The following PLEC variants were observed in gnomAD, a reference collection of about 807,000 sequenced individuals.
The protein encoded by PLEC is hemidesmosomal protein 1.
Under a neutral mutation model 392.8 loss-of-function variants are expected in PLEC, and 216 were observed. The ratio of observed to expected loss-of-function variants is 0.55; its 90% confidence interval spans 0.49 to 0.62. The LOEUF is 0.62. Among genes scored for constraint, PLEC ranks in the 20% least tolerant of loss-of-function variants. The pLI is 0.00. For missense variants in PLEC, 6,863 were observed against 6,563.4 expected (o/e 1.05, Z -1.58); for synonymous variants, 3,621 against 2,980.6 (o/e 1.21, Z -7.00).
chr8:143,926,477 C>A (rs558934426), intron 30 of PLEC, among the ~76,000 whole-genome samples: 1 of 152,348 alleles, frequency 6.6e-6, no homozygotes, highest in African/African-American at 2.4e-5. Flanking sequence ...AGCGGAAAGG[C>A]CAACGCAGAA....
chr8:143,935,810 C>CT lies in PLEC; in HGVS notation c.602+37_602+38insA, dbSNP rs782414478. On this transcript the variant is annotated intron_variant, in intron 6 of 31. Transcript: ENST00000345136. Reference sequence around the variant, plus strand: ...GCCTAGTGGAGGCGCTGTGGGGGTGCCCCCAGCCCACAGCCCCCTGCCCCC... The same window carrying CT: ...GCCTAGTGGAGGCGCTGTGGGGGTGCTCCCCAGCCCACAGCCCCCTGCCCCC... The CT allele has an allele frequency of 6.9e-6, 11 of 1,604,482 alleles. No individual in the cohort carries two copies. In the South Asian group the frequency reaches 1.2e-4, roughly 18 times the overall value.
At position 143,924,096 on chromosome 8, in the gene PLEC, C is replaced by T; in HGVS notation, c.5833G>A (p.Glu1945Lys). Residue 1945 changes from glutamate (E) to lysine (K), a missense_variant, in exon 31 of 32, where the codon GAG becomes AAG. Glu to Lys is a moderately conservative substitution (Grantham distance 56, BLOSUM62 1). Coordinates refer to ENST00000345136, the MANE Select transcript of PLEC (RefSeq NM_201384.3). Reference sequence around the variant, plus strand: ...CTGCGGATGCGTCCCAGCTCCAGCTCCAGCTCCGCCTTGCCAGCGGCCGCC... The same window carrying T: ...CTGCGGATGCGTCCCAGCTCCAGCTTCAGCTCCGCCTTGCCAGCGGCCGCC... ...EKAAAGKAEL[E>K]LELGRIRSNA... 1 of 1,598,628 alleles carries T rather than the reference C, an allele frequency of 6.3e-7. No individual in the cohort carries two copies. The highest frequency in any genetic ancestry group is 2.2e-5 in the East Asian group (1 of 44,796).
chr8:143,935,377 G>T, intron 6 of PLEC, 64 bp from the exon 7 acceptor site: 2 of 1,130,902 alleles, frequency 1.8e-6, no homozygotes, highest in East Asian at 2.5e-5. Flanking sequence ...CACACAGGCG[G>T]GTGCACAGGC....
chr8:143,942,257 C>T, upstream of PLEC: 2 of 1,036,258 alleles, frequency 1.9e-6, no homozygotes, highest in Non-Finnish European at 2.8e-6. Context: ...TTCCGGAGCT[C>T]GGGGGCAAGG....
rs782682146 is a variant in PLEC at position 143,920,331 on chromosome 8, C to T, written c.9490G>A (p.Asp3164Asn). ...LDVACARGCL[D>N]EETSRALSAP... ...GACAGGGCCCTGCTGGTCTCCTCAT[C>T]CAGGCAGCCTCGGGCGCAGGCGACA... The change falls in exon 32 of 32, where the codon GAT becomes AAT. Residue 3164 changes from aspartate (D) to asparagine (N), a missense_variant. By Grantham distance (23) the Asp-to-Asn change is conservative. Coordinates refer to ENST00000345136, the MANE Select transcript of PLEC (RefSeq NM_201384.3). 2.5e-6 allele frequency: 4 copies of T among 1,593,456 alleles called. No homozygotes were observed. In the Admixed American group the frequency reaches 5.2e-5, roughly 21 times the overall value.
At position 143,924,584 on chromosome 8, in the gene PLEC, C is replaced by T. The variant is rs1554698161; in HGVS notation, c.5345G>A (p.Ser1782Asn). ...ARAEEESRST[S>N]EKSKQRLEAE... ...CTCCAGCCTCTGCTTGGACTTCTCGCTGGTGGAGCGCGACTCCTCCTCAGC... is the reference window on the plus strand; with the variant it reads ...CTCCAGCCTCTGCTTGGACTTCTCGTTGGTGGAGCGCGACTCCTCCTCAGC... Residue 1782 changes from serine (S) to asparagine (N), a missense_variant, in exon 31 of 32, where the codon AGC becomes AAC. By Grantham distance (46) the Ser-to-Asn change is conservative. Coordinates refer to ENST00000345136, the MANE Select transcript of PLEC (RefSeq NM_201384.3). 2.6e-6 allele frequency: 4 copies of T among 1,551,792 alleles called. No individual in the cohort carries two copies. The highest frequency in any genetic ancestry group is 3.5e-6 in the Non-Finnish European group (4 of 1,155,934).
At position 143,921,061 on chromosome 8, in the gene PLEC, C is replaced by G. The variant is rs782654615; in HGVS notation, c.8760G>C (p.Lys2920Asn). 3 of 1,612,038 alleles carry G rather than the reference C, an allele frequency of 1.9e-6. No individual in the cohort carries two copies. The highest frequency in any genetic ancestry group is 2.2e-5 in the East Asian group (1 of 44,900). ...VSAPFGKFQG[K>N]TVTIWEIINS... ...TGATGATCTCCCAAATGGTCACCGT[C>G]TTGCCCTGGAACTTGCCGAACGGCG... is the stretch of plus-strand genomic sequence containing the variant. Residue 2920 changes from lysine to asparagine, a missense_variant, in exon 32 of 32, where the codon AAG becomes AAC. Lys to Asn is a moderately conservative substitution (Grantham distance 94). Coordinates refer to ENST00000345136, the MANE Select transcript of PLEC (RefSeq NM_201384.3).
chr8:143,950,403 G>A (rs567356736), exon 1 of PLEC: 69 of 1,605,898 alleles, frequency 4.3e-5, no homozygotes, highest in South Asian at 3.9e-4. Context: ...GCGACGGGGC[G>A]GCGCACGCGC....
At position 143,923,064 on chromosome 8, in the gene PLEC, C is replaced by T. The variant is rs1554691282; in HGVS notation, c.6865G>A (p.Glu2289Lys). 1 of 1,610,186 alleles carries T rather than the reference C, an allele frequency of 6.2e-7. No homozygotes were observed. The highest frequency in any genetic ancestry group is 1.3e-5 in the African/African-American group (1 of 74,888). Reference sequence around the variant, plus strand: ...GCCAGCTGCCGCAGTCGCGCAGCCTCTTGGGCCGCCACACTCAGCCGCGCG... The same window carrying T: ...GCCAGCTGCCGCAGTCGCGCAGCCTTTTGGGCCGCCACACTCAGCCGCGCG... ...EAARLSVAAQ[E>K]AARLRQLAEE... is the part of the protein sequence containing the mutation. The change falls in exon 31 of 32, where the codon GAG becomes AAG. Residue 2289 changes from glutamate to lysine, a missense_variant. Transcript: ENST00000345136.
intron 1 of PLEC, among the ~76,000 whole-genome samples, chr8:143,949,815 G>A (rs1216696874): frequency 6.6e-6 from 1 of 152,050 alleles, no homozygotes; most frequent in East Asian, 1.9e-4. Context: ...GCACCTCCTC[G>A]CACACCCCCA....
At position 143,922,162 on chromosome 8, in the gene PLEC, C is replaced by A. The variant is rs1250405436; in HGVS notation, c.7659G>T (p.Glu2553Asp). 7.1e-6 allele frequency: 11 copies of A among 1,541,522 alleles called. No individual in the cohort carries two copies. In the Admixed American group the frequency reaches 2.1e-4, roughly 30 times the overall value. ...QERQRLVASM[E>D]EARRRQHEAE... ...CCTCATGCTGCCGCCGCCGCGCCTC[C>A]TCCATGCTGGCCACCAGCCGCTGCC... The change falls in exon 32 of 32, where the codon GAG becomes GAT. Residue 2553 changes from glutamate to aspartate, a missense_variant. Physicochemically the swap from Glu to Asp is conservative, Grantham distance 45. Coordinates refer to ENST00000345136, the MANE Select transcript of PLEC (RefSeq NM_201384.3).
At chr8:143,939,028 C>T (rs989119859) in intron 1 of PLEC, among the ~76,000 whole-genome samples, 1 of 152,130 alleles carries the variant, frequency 6.6e-6, no homozygotes, top group African/African-American at 2.4e-5. Flanking sequence ...GAGACCCAAG[C>T]AGGGGTGTGG....
upstream of PLEC, among the ~76,000 whole-genome samples, chr8:143,951,266 C>G (rs551576105): frequency 6.6e-6 from 1 of 152,146 alleles, no homozygotes; most frequent in East Asian, 1.9e-4. Context: ...TCTGGTGTCC[C>G]GGCTTCACAA....
intron 1 of PLEC, chr8:143,946,213 C>T (rs1211260354): frequency 4.0e-5 from 21 of 528,352 alleles, no homozygotes; most frequent in African/African-American, 3.8e-4. Flanking sequence ...GGGGCAGCTC[C>T]GAGAGGGGGC....
At chr8:143,961,315 T>G (rs139418048) in intron 1 of PLEC, among the ~76,000 whole-genome samples, 5,830 of 151,934 alleles carry the variant, frequency 0.038, 383 homozygotes, top group African/African-American at 0.13. Flanking sequence ...AACCTCCGCC[T>G]CCCAGGTTCA....
intron 1 of PLEC, among the ~76,000 whole-genome samples, chr8:143,971,090 G>A (rs1030317125): frequency 2.4e-4 from 36 of 152,338 alleles, no homozygotes; most frequent in African/African-American, 7.5e-4. Flanking sequence ...AGGGAAGACC[G>A]GGGATTTCCA....
chr8:143,922,418 C>A, intron 31 of PLEC, 23 bp from the exon 32 acceptor site: 3 of 1,600,452 alleles, frequency 1.9e-6, no homozygotes, highest in Non-Finnish European at 2.5e-6. Flanking sequence ...AGGGTGTGAT[C>A]AGGGACCGCC....
upstream of PLEC, chr8:143,958,753 T>C: frequency 2.6e-6 from 1 of 386,654 alleles, no homozygotes; most frequent in Middle Eastern, 3.6e-4. The surrounding 1 kb of genome is among the most constrained non-coding windows in gnomAD (Gnocchi z 4.9). Flanking sequence ...TCTCACCTGA[T>C]CCATGGTGGC....
upstream of PLEC, among the ~76,000 whole-genome samples, chr8:143,943,508 T>C (rs1587299910): frequency 6.6e-6 from 1 of 152,278 alleles, no homozygotes; most frequent in African/African-American, 2.4e-5. Flanking sequence ...AGGCCTCCCT[T>C]CGTGTGGGGG....
Sources: allele counts gnomAD v4.1 joint callset (sites outside exome capture counted in the v4.1 genomes callset), GRCh38; gene constraint gnomAD v4.1.1; non-coding constraint Gnocchi (gnomAD v3.1); transcripts MANE v1.5; gene names NCBI Gene and HGNC (gene_info 2026-07-23, HGNC 2026-07-21).